Variants in DPP6 observed in about 807,000 individuals in gnomAD.
The protein encoded by DPP6 is A-type potassium channel modulatory protein DPP6.
DPP6 carries 69 observed loss-of-function variants against 122.6 expected under a neutral mutation model. The observed-to-expected ratio is 0.56, with a 90% CI of 0.46 to 0.69. DPP6 has a LOEUF of 0.69. Ranked by LOEUF, DPP6 falls within the 30% of genes least tolerant of loss-of-function variation. DPP6 has a pLI of 0.00. For synonymous variants in DPP6, 418 were observed against 433.1 expected (o/e 0.97, Z 0.43); for missense variants, 928 against 1,116.9 (o/e 0.83, Z 2.41).
chr7:154,389,817 T>C (rs1196570274), intron 1 of DPP6, among the ~76,000 whole-genome samples: 1 of 152,236 alleles, frequency 6.6e-6, no homozygotes, highest in Non-Finnish European at 1.5e-5. Flanking sequence ...GAATTATTCC[T>C]AAAAGGATTA....
intron 1 of DPP6, among the ~76,000 whole-genome samples, chr7:154,180,287 G>A (rs1176016060): frequency 1.3e-5 from 2 of 151,274 alleles, no homozygotes; most frequent in Non-Finnish European, 2.9e-5. Context: ...GGTGGAGGCT[G>A]CAGTGAGCTG....
At chr7:154,836,611 C>T (rs79697169) in intron 16 of DPP6, among the ~76,000 whole-genome samples, 11,924 of 152,194 alleles carry the variant, frequency 0.078, 512 homozygotes, top group East Asian at 0.16. Flanking sequence ...CTTAATTGCT[C>T]ACTGACATGA....
At chr7:154,302,962 C>A (rs980166011) in intron 1 of DPP6, among the ~76,000 whole-genome samples, 1 of 150,326 alleles carries the variant, frequency 6.7e-6, no homozygotes, top group African/African-American at 2.5e-5. Flanking sequence ...TTTGACCCAT[C>A]CCTGGGGTTT....
chr7:153,888,557 G>A (rs1799047519), intron 1 of DPP6, among the ~76,000 whole-genome samples: 1 of 152,226 alleles, frequency 6.6e-6, no homozygotes, highest in African/African-American at 2.4e-5. Flanking sequence ...GAGGGGTCAG[G>A]GCGCTGGAGT....
chr7:153,829,132 A>C, the DPP6 span, among the ~76,000 whole-genome samples: 4 of 152,194 alleles, frequency 2.6e-5, no homozygotes, highest in African/African-American at 9.7e-5. Flanking sequence ...GGAGGCAAGA[A>C]CCTTCAAGCA....
chr7:154,671,868 A>ACACACGTG (rs1838582502), intron 7 of DPP6, among the ~76,000 whole-genome samples: 1 of 150,486 alleles, frequency 6.6e-6, no homozygotes, highest in Non-Finnish European at 1.5e-5. Flanking sequence ...ACACATGCAC[A>ACACACGTG]CACACACACA....
chr7:154,794,211 G>C lies in DPP6; in HGVS notation c.1260+9G>C, dbSNP rs762637839. On this transcript the variant is annotated intron_variant, in intron 11 of 25. Transcript: ENST00000377770. ...CGGGGGTCTGCACGAAGGTACGCGG[G>C]GCTGTGGGGGTGGAGGGGAGACGGG... 1 of 1,601,130 alleles carries C rather than the reference G, an allele frequency of 6.2e-7. No individual in the cohort carries two copies. The highest frequency in any genetic ancestry group is 1.1e-5 in the South Asian group (1 of 89,398).
intron 1 of DPP6, among the ~76,000 whole-genome samples, chr7:154,100,292 TTC>T (rs201750017): frequency 0.019 from 1,895 of 98,964 alleles, 475 homozygotes; most frequent in African/African-American, 0.073. Context: ...ATCCCAGTTA[TTC>T]TCTGAGTCCT....
chr7:153,960,693 ATG>A (rs1313440504), intron 1 of DPP6, among the ~76,000 whole-genome samples: 5 of 143,846 alleles, frequency 3.5e-5, no homozygotes, highest in East Asian at 2.1e-4. Flanking sequence ...ATGCGTGTGC[ATG>A]TGTGTGTGAA....
intron 6 of DPP6, among the ~76,000 whole-genome samples, chr7:154,642,698 G>C (rs893859532): frequency 1.3e-5 from 2 of 152,124 alleles, no homozygotes; most frequent in African/African-American, 2.4e-5. Flanking sequence ...CAGCACTGTG[G>C]GAGGCTGATG....
intron 1 of DPP6, among the ~76,000 whole-genome samples, chr7:154,304,135 A>G (rs1474195130): frequency 1.3e-5 from 2 of 152,238 alleles, no homozygotes; most frequent in Non-Finnish European, 2.9e-5. Flanking sequence ...CTCTCAGGCC[A>G]GTGAATGCCT....
At chr7:154,114,898 T>G (rs1806868676) in intron 1 of DPP6, among the ~76,000 whole-genome samples, 1 of 152,202 alleles carries the variant, frequency 6.6e-6, no homozygotes, top group African/African-American at 2.4e-5. Flanking sequence ...GGTCTCATTC[T>G]AAAACATCCT....
At chr7:154,284,026 C>G (rs976959557) in intron 1 of DPP6, among the ~76,000 whole-genome samples, 12 of 152,152 alleles carry the variant, frequency 7.9e-5, no homozygotes, top group Admixed American at 2.6e-4. Flanking sequence ...CTCATGACAT[C>G]CATGTTAGAT....
At chr7:154,510,593 G>C (rs1156589250) in intron 3 of DPP6, among the ~76,000 whole-genome samples, 7 of 152,074 alleles carry the variant, frequency 4.6e-5, no homozygotes, top group Non-Finnish European at 5.9e-5. Context: ...CAGCGACTTG[G>C]GAGGATGAAG....
intron 10 of DPP6, among the ~76,000 whole-genome samples, chr7:154,791,239 G>A (rs1268553879): frequency 1.3e-5 from 2 of 152,040 alleles, no homozygotes; most frequent in Non-Finnish European, 2.9e-5. Flanking sequence ...GGGGAATAGA[G>A]TGAGACTCTG....
At position 154,796,030 on chromosome 7, in the gene DPP6, A is replaced by G. The variant is rs10236463; in HGVS notation, c.1299+147A>G. 0.39 allele frequency: 505,473 copies of G among 1,288,230 alleles called. 100,981 individuals carry two copies. The highest frequency in any genetic ancestry group is 0.52 in the African/African-American group (34,678 of 66,558). 79.8% of individuals were successfully genotyped at this position (1,288,230 alleles called of 1,614,324 possible). ...CAGAAACAGACGGCGTGCCGGCTCCACTCACGGTGCCTCCCGTTCTCCAGG... is the reference window on the plus strand; with the variant it reads ...CAGAAACAGACGGCGTGCCGGCTCCGCTCACGGTGCCTCCCGTTCTCCAGG... On this transcript the variant is annotated intron_variant, in intron 12 of 25. Transcript: ENST00000377770.
chr7:154,737,424 G>A (rs151034105), intron 8 of DPP6, among the ~76,000 whole-genome samples: 76 of 152,236 alleles, frequency 5.0e-4, no homozygotes, highest in African/African-American at 1.8e-3. Flanking sequence ...CTAACACCAT[G>A]CAAAGCCTAT....
At chr7:154,640,256 A>AAAAC (rs974778160) in intron 6 of DPP6, among the ~76,000 whole-genome samples, 9 of 151,986 alleles carry the variant, frequency 5.9e-5, no homozygotes, top group Admixed American at 1.3e-4. Context: ...CTGTCAAACA[A>AAAAC]AAACAAAAAC....
At chr7:154,549,206 C>G (rs920723582) in intron 4 of DPP6, among the ~76,000 whole-genome samples, 2 of 152,132 alleles carry the variant, frequency 1.3e-5, no homozygotes. Context: ...GAAAACACAC[C>G]AACAAAGTTG....
Sources: allele counts gnomAD v4.1 joint callset (sites outside exome capture counted in the v4.1 genomes callset), GRCh38; gene constraint gnomAD v4.1.1; transcripts MANE v1.5; gene names NCBI Gene and HGNC (gene_info 2026-07-23, HGNC 2026-07-21).